AP2A2: variants seen among roughly 807,000 people sequenced by gnomAD.
AP2A2 encodes the protein AP-2 complex subunit alpha-2.
AP2A2 carries 32 observed loss-of-function variants against 104.2 expected under a neutral mutation model. The observed-to-expected ratio is 0.31, with a 90% CI of 0.23 to 0.41. The LOEUF (loss-of-function observed/expected upper bound fraction) is 0.41, where lower values mean the gene tolerates loss of function less well. Among genes scored for constraint, AP2A2 ranks in the 10% least tolerant of loss-of-function variants. AP2A2 has a pLI of 1.00. For synonymous variants in AP2A2, 539 were observed against 533.3 expected, an observed-to-expected ratio of 1.01 and a Z score of -0.15; for missense variants, 912 against 1,261.0, an observed-to-expected ratio of 0.72 and a Z score of 4.19.
chr11:949,474 A>T (rs1195659013), intron 1 of AP2A2, among the ~76,000 whole-genome samples: 2 of 152,106 alleles, frequency 1.3e-5, no homozygotes, highest in Non-Finnish European at 2.9e-5. Context: ...TCCAGCAACA[A>T]CGTATAAAAA....
Position 993,993 on chromosome 11 carries a change from G to A in AP2A2, c.1782+8G>A. On this transcript the variant is annotated splice_region_variant and intron_variant, in intron 13 of 21. Coordinates refer to ENST00000448903, the MANE Select transcript of AP2A2 (RefSeq NM_012305.4). The surrounding 1 kb of genome is among the most constrained non-coding windows in gnomAD (Gnocchi z 8.2). ...GCCAGCACCGACATTCTGGTAGGAG[G>A]CCCCCGCCCTTCGGGCTGGCTTGGC... 6.2e-7 allele frequency: 1 copy of A among 1,609,542 alleles called. No individual in the cohort carries two copies. The highest frequency in any genetic ancestry group is 8.5e-7 in the Non-Finnish European group (1 of 1,177,536).
intron 2 of AP2A2, among the ~76,000 whole-genome samples, chr11:964,615 C>T (rs1425436028): frequency 6.6e-6 from 1 of 152,186 alleles, no homozygotes; most frequent in Non-Finnish European, 1.5e-5. Context: ...TGCTACCACC[C>T]TGCTACATGG....
intron 1 of AP2A2, among the ~76,000 whole-genome samples, chr11:953,551 C>G (rs201657338): frequency 1.3e-5 from 2 of 150,994 alleles, no homozygotes; most frequent in African/African-American, 2.4e-5. Context: ...AAGAGCCCCC[C>G]CCCCCCATTG....
chr11:969,443 C>A (rs1854741979), intron 2 of AP2A2, among the ~76,000 whole-genome samples: 1 of 152,012 alleles, frequency 6.6e-6, no homozygotes, highest in South Asian at 2.1e-4. Context: ...TGAGGCTGGT[C>A]TCGAACTCCT....
chr11:930,364 T>C (rs1231076657), intron 1 of AP2A2, among the ~76,000 whole-genome samples: 1 of 152,152 alleles, frequency 6.6e-6, no homozygotes, highest in African/African-American at 2.4e-5. Flanking sequence ...ACTAACTTAA[T>C]GTCTCCTAAA....
At chr11:1,009,002 G>A in intron 18 of AP2A2, 98 bp from the exon 19 acceptor site, 1 of 986,114 alleles carries the variant, frequency 1.0e-6, no homozygotes, top group Non-Finnish European at 1.5e-6. Context: ...GTGGGTGGCA[G>A]TAGATCGGGA....
chr11:956,528 A>G (rs977143156), intron 1 of AP2A2, among the ~76,000 whole-genome samples: 1 of 152,212 alleles, frequency 6.6e-6, no homozygotes, highest in African/African-American at 2.4e-5. Flanking sequence ...ACCCTGTGTG[A>G]TGAATAATTG....
chr11:927,662 C>T (rs1007069013), intron 1 of AP2A2, among the ~76,000 whole-genome samples: 3 of 151,532 alleles, frequency 2.0e-5, no homozygotes, highest in Admixed American at 6.6e-5. Context: ...CAAAAAAATA[C>T]GAAAATTAGC....
chr11:939,376 A>G (rs1308725168), intron 1 of AP2A2, among the ~76,000 whole-genome samples: 1 of 152,098 alleles, frequency 6.6e-6, no homozygotes. Flanking sequence ...TACTTTAAGA[A>G]TGATTGCTTT....
At chr11:942,690 A>G (rs181179230) in intron 1 of AP2A2, among the ~76,000 whole-genome samples, 140 of 152,222 alleles carry the variant, frequency 9.2e-4, no homozygotes, top group Non-Finnish European at 1.6e-3. Context: ...TTCAGCCTTT[A>G]TTTTAGATTC....
chr11:929,268 C>G (rs1024832074), intron 1 of AP2A2, among the ~76,000 whole-genome samples: 1 of 152,108 alleles, frequency 6.6e-6, no homozygotes, highest in African/African-American at 2.4e-5. Context: ...GTTTTCCTGT[C>G]ATGAGAGTGA....
intron 1 of AP2A2, among the ~76,000 whole-genome samples, chr11:936,206 C>CTTTTT (rs982315120): frequency 2.7e-5 from 3 of 110,044 alleles, no homozygotes; most frequent in Non-Finnish European, 5.4e-5. Flanking sequence ...TGCGCCTGGC[C>CTTTTT]TTTTTTTTTT....
chr11:979,098 A>G (rs1216379097), intron 5 of AP2A2, among the ~76,000 whole-genome samples: 1 of 151,850 alleles, frequency 6.6e-6, no homozygotes, highest in Non-Finnish European at 1.5e-5. Context: ...ACCAGCTGCC[A>G]CCACAGGGGT....
At chr11:967,782 A>T (rs1375535664) in intron 2 of AP2A2, among the ~76,000 whole-genome samples, 1 of 152,092 alleles carries the variant, frequency 6.6e-6, no homozygotes, top group Non-Finnish European at 1.5e-5. Flanking sequence ...CTTAATCGTG[A>T]TCCTTTTATG....
rs1484296939 is a variant in AP2A2, at chr11:975,717, T to G, written c.474-1378T>G. ...TCGGTCTCCCTCGTGTGAGCCGACGTCGGCGAGTAGCTGTGGGATCCTTGG... is the reference window on the plus strand; with the variant it reads ...TCGGTCTCCCTCGTGTGAGCCGACGGCGGCGAGTAGCTGTGGGATCCTTGG... On this transcript the variant is annotated intron_variant, in intron 4 of 21. Transcript: ENST00000448903. 2.0e-5 allele frequency among the ~76,000 whole-genome samples: 3 copies of G among 147,108 alleles called. No homozygotes were observed. In the East Asian group the frequency reaches 6.1e-4, roughly 30 times the overall value.
chr11:1,010,153 C>T (rs957573498), intron 21 of AP2A2: 9 of 467,944 alleles, frequency 1.9e-5, no homozygotes, highest in African/African-American at 1.7e-4. Context: ...GGTGGCTCTC[C>T]CAGCTGTTCC....
At chr11:967,748 G>T (rs998793393) in intron 2 of AP2A2, among the ~76,000 whole-genome samples, 5 of 152,238 alleles carry the variant, frequency 3.3e-5, no homozygotes, top group Admixed American at 2.0e-4. Context: ...GCAAGTGGCT[G>T]CATCTTTCAG....
At chr11:932,392 T>C (rs1454034044) in intron 1 of AP2A2, among the ~76,000 whole-genome samples, 1 of 152,282 alleles carries the variant, frequency 6.6e-6, no homozygotes, top group African/African-American at 2.4e-5. Context: ...AATTTTAAAC[T>C]CTGCTTAAAC....
intron 1 of AP2A2, among the ~76,000 whole-genome samples, chr11:932,000 T>G (rs1018210121): frequency 2.6e-5 from 4 of 151,934 alleles, no homozygotes; most frequent in Non-Finnish European, 5.9e-5. Flanking sequence ...AGGGTTTCAC[T>G]GTATTAGCCA....
Sources: allele counts gnomAD v4.1 joint callset (sites outside exome capture counted in the v4.1 genomes callset), GRCh38; gene constraint gnomAD v4.1.1; non-coding constraint Gnocchi (gnomAD v3.1); transcripts MANE v1.5; gene names NCBI Gene and HGNC (gene_info 2026-07-23, HGNC 2026-07-21).